The following MDFIC variants were observed in gnomAD, a reference collection of about 807,000 sequenced individuals.
MDFIC encodes MyoD family inhibitor domain containing.
In MDFIC, 17 loss-of-function variants were observed where a neutral mutation model predicts 23.2. The ratio of observed to expected loss-of-function variants is 0.73; its 90% confidence interval spans 0.50 to 1.10. MDFIC has a LOEUF of 1.10. MDFIC is among the 50% of genes least tolerant of loss of function. The pLI, the probability that MDFIC is intolerant of heterozygous loss-of-function variation, is 0.00. For missense variants in MDFIC, 356 were observed against 316.6 expected (o/e 1.12, Z -0.95); for synonymous variants, 120 against 115.2 (o/e 1.04, Z -0.27).
intron 4 of MDFIC, chr7:115,014,136 G>C (rs891100004): frequency 1.0e-6 from 1 of 985,370 alleles, no homozygotes; most frequent in Admixed American, 6.1e-5. Flanking sequence ...GTATGACTTT[G>C]TGTTTCCACA....
At chr7:114,973,051 C>T (rs1404063037) in intron 3 of MDFIC, among the ~76,000 whole-genome samples, 1 of 150,638 alleles carries the variant, frequency 6.6e-6, no homozygotes, top group Admixed American at 6.6e-5. Flanking sequence ...TGAAATTTGG[C>T]ATATTTTAAG....
chr7:114,974,224 T>A (rs944166170), intron 3 of MDFIC, among the ~76,000 whole-genome samples: 2 of 152,106 alleles, frequency 1.3e-5, no homozygotes, highest in African/African-American at 2.4e-5. Context: ...TCATGTTAGT[T>A]CATATTGAAA....
Position 114,971,248 on chromosome 7 carries a change from A to T in MDFIC, c.218-8258A>T, listed in dbSNP as rs78607108. On this transcript the variant is annotated intron_variant, in intron 3 of 4. Coordinates refer to ENST00000393486, the MANE Select transcript of MDFIC (RefSeq NM_001166345.3). The stretch of plus-strand genomic sequence containing the variant: ...AAGAACTGATGAGCTGCTCTTTAAT[A>T]TTAACTGCTGATTTTTCAGGTTAGG... Among the ~76,000 whole-genome samples, 11 of 152,280 alleles carry T rather than the reference A, an allele frequency of 7.2e-5. No homozygotes were observed. In the East Asian group the frequency reaches 2.1e-3, roughly 29 times the overall value.
chr7:114,940,342 T>G (rs7789468), intron 2 of MDFIC, among the ~76,000 whole-genome samples: 3,189 of 152,322 alleles, frequency 0.021, 82 homozygotes, highest in African/African-American at 0.063. Flanking sequence ...TGTTGTGAAA[T>G]CCCCATGGTA....
At chr7:114,982,282 C>A (rs1793430628) in intron 4 of MDFIC, among the ~76,000 whole-genome samples, 1 of 152,146 alleles carries the variant, frequency 6.6e-6, no homozygotes. Flanking sequence ...GAATAGGCAG[C>A]ATGATTTATT....
intron 4 of MDFIC, chr7:114,980,128 A>G (rs1793393069): frequency 6.3e-6 from 2 of 318,864 alleles, no homozygotes; most frequent in South Asian, 2.9e-5. Flanking sequence ...CTGATGCAAT[A>G]TGTTATTCTA....
At chr7:114,943,698 G>T (rs1038205233) in intron 3 of MDFIC, among the ~76,000 whole-genome samples, 4 of 152,294 alleles carry the variant, frequency 2.6e-5, no homozygotes, top group Non-Finnish European at 4.4e-5. Flanking sequence ...ACATGATTTT[G>T]TGGAATAACT....
At chr7:114,929,247 C>T (rs1792262035) in intron 2 of MDFIC, among the ~76,000 whole-genome samples, 1 of 152,148 alleles carries the variant, frequency 6.6e-6, no homozygotes, top group African/African-American at 2.4e-5. Flanking sequence ...GCTGGGACTA[C>T]AGGCGTGTGC....
chr7:114,992,273 T>A, intron 4 of MDFIC, among the ~76,000 whole-genome samples: 1 of 152,372 alleles, frequency 6.6e-6, no homozygotes, highest in African/African-American at 2.4e-5. Context: ...GTTTTCTAAA[T>A]ATACAATTAC....
At chr7:114,939,224 A>C (rs922751839) in intron 2 of MDFIC, among the ~76,000 whole-genome samples, 1 of 152,224 alleles carries the variant, frequency 6.6e-6, no homozygotes, top group African/African-American at 2.4e-5. Context: ...AGTTTTGTTT[A>C]TACAAGTGGA....
rs557970387 is a variant in MDFIC, at chr7:114,986,182, G to A, written c.493+6401G>A. On this transcript the variant is annotated intron_variant, in intron 4 of 4. Coordinates refer to ENST00000393486, the MANE Select transcript of MDFIC (RefSeq NM_001166345.3). The stretch of plus-strand genomic sequence containing the variant: ...ACTGAAACCCAGTTTATATTGTACA[G>A]GCTTTTTCTGCTTTCTTTTTTTAAA... 2.6e-3 allele frequency among the ~76,000 whole-genome samples: 399 copies of A among 152,160 alleles called. 2 individuals carry two copies. Among genetic ancestry groups the A allele is most frequent in the Non-Finnish European group, 4.8e-3 (329 of 67,994 alleles).
chr7:114,924,952 A>G (rs1792161194), intron 2 of MDFIC, among the ~76,000 whole-genome samples: 1 of 152,110 alleles, frequency 6.6e-6, no homozygotes, highest in Admixed American at 6.5e-5. Flanking sequence ...CTCTACTCTT[A>G]AGCCTTTTCT....
In MDFIC at chr7:114,942,343, G is replaced by C; in HGVS notation, c.163G>C (p.Glu55Gln). 1 of 1,606,746 alleles carries C rather than the reference G, an allele frequency of 6.2e-7. No individual in the cohort carries two copies. Among genetic ancestry groups the C allele is most frequent in the Non-Finnish European group, 8.5e-7 (1 of 1,174,930 alleles). ...QATNSHFTHG[E>Q]MQDQSIWGNP... ...TACCAATAGCCACTTCACACATGGA[G>C]AGATGCAAGACCAGTCCATTTGGGG... The change falls in exon 3 of 5, where the codon GAG (glutamate) becomes CAG (glutamine). Residue 55 changes from glutamate (E) to glutamine (Q), a missense_variant. Transcript: ENST00000393486.
At chr7:114,998,108 C>T (rs1279397740) in intron 4 of MDFIC, among the ~76,000 whole-genome samples, 2 of 152,146 alleles carry the variant, frequency 1.3e-5, no homozygotes, top group South Asian at 2.1e-4. Context: ...TAGCACTAGA[C>T]ACTGCATAAT....
intron 3 of MDFIC, among the ~76,000 whole-genome samples, chr7:114,964,669 G>GCCT (rs1333722331): frequency 6.6e-6 from 1 of 152,094 alleles, no homozygotes; most frequent in African/African-American, 2.4e-5. Context: ...TCGTGCCTCA[G>GCCT]CCTCCTGAGT....
intron 4 of MDFIC, among the ~76,000 whole-genome samples, chr7:115,014,865 A>G (rs1486913599): frequency 2.0e-5 from 3 of 152,168 alleles, no homozygotes; most frequent in Non-Finnish European, 4.4e-5. Flanking sequence ...TGATTTCTCA[A>G]TTTTTTAAAT....
At chr7:114,952,648 T>C (rs1045531662) in intron 3 of MDFIC, among the ~76,000 whole-genome samples, 10 of 152,176 alleles carry the variant, frequency 6.6e-5, no homozygotes, top group African/African-American at 2.4e-4. Flanking sequence ...GAACATTCTT[T>C]AATTAAGTAT....
intron 2 of MDFIC, among the ~76,000 whole-genome samples, chr7:114,927,462 A>C (rs528247556): frequency 6.6e-6 from 1 of 151,982 alleles, no homozygotes; most frequent in Non-Finnish European, 1.5e-5. Context: ...ATACGCTTCA[A>C]TTCATCCTCA....
intron 4 of MDFIC, among the ~76,000 whole-genome samples, chr7:114,990,121 ATT>A (rs1793579578): frequency 6.6e-6 from 1 of 152,206 alleles, no homozygotes; most frequent in Non-Finnish European, 1.5e-5. Context: ...TTTAAAGTAA[ATT>A]TATGCTTTAG....
Sources: allele counts gnomAD v4.1 joint callset (sites outside exome capture counted in the v4.1 genomes callset), GRCh38; gene constraint gnomAD v4.1.1; transcripts MANE v1.5; gene names NCBI Gene and HGNC (gene_info 2026-07-23, HGNC 2026-07-21).